The following CMTM8 variants were observed in gnomAD, a reference collection of about 807,000 sequenced individuals.
The protein encoded by CMTM8 is CKLF-like MARVEL transmembrane domain-containing protein 8.
A neutral mutation model predicts 18.6 loss-of-function variants in CMTM8; 12 were observed. That is an observed-to-expected ratio of 0.65 (90% CI 0.41 to 1.05). CMTM8 has a LOEUF of 1.05. Among genes scored for constraint, CMTM8 ranks in the 50% least tolerant of loss-of-function variants. CMTM8 has a pLI of 0.00. For missense variants in CMTM8, 217 were observed against 227.2 expected (o/e 0.95, Z 0.29); for synonymous variants, 87 against 90.6 (o/e 0.96, Z 0.23).
At chr3:32,364,106 C>T (rs771746463) in intron 2 of CMTM8, among the ~76,000 whole-genome samples, 22 of 152,220 alleles carry the variant, frequency 1.4e-4, no homozygotes, top group Non-Finnish European at 2.6e-4. Flanking sequence ...TGCAGTGGCT[C>T]ATGCCTTGTA....
intron 2 of CMTM8, among the ~76,000 whole-genome samples, chr3:32,361,811 A>G (rs1262681183): frequency 6.6e-6 from 1 of 152,146 alleles, no homozygotes; most frequent in Non-Finnish European, 1.5e-5. Flanking sequence ...TTATGATACC[A>G]TTTATTCAGG....
At chr3:32,363,973 C>A (rs75955419) in intron 2 of CMTM8, among the ~76,000 whole-genome samples, 1 of 152,200 alleles carries the variant, frequency 6.6e-6, no homozygotes, top group Non-Finnish European at 1.5e-5. Flanking sequence ...GACCCAATCT[C>A]TTCTGTCAAG....
At chr3:32,352,110 G>A (rs1385290001) in intron 1 of CMTM8, among the ~76,000 whole-genome samples, 2 of 149,428 alleles carry the variant, frequency 1.3e-5, no homozygotes, top group Admixed American at 6.6e-5. Context: ...CCCGGGAGGC[G>A]GAGGTTGCAG....
At chr3:32,261,338 GTTTA>G (rs1702255573) in intron 1 of CMTM8, among the ~76,000 whole-genome samples, 1 of 152,036 alleles carries the variant, frequency 6.6e-6, no homozygotes, top group Admixed American at 6.6e-5. Flanking sequence ...ACCTTTCTAT[GTTTA>G]TTTAAACAAA....
chr3:32,335,285 C>T (rs1009369444), intron 1 of CMTM8, among the ~76,000 whole-genome samples: 3 of 152,206 alleles, frequency 2.0e-5, no homozygotes, highest in Admixed American at 2.0e-4. Context: ...CCTTCCCGTA[C>T]ATGTCATCCT....
chr3:32,365,281 G>A (rs1697008403), intron 2 of CMTM8, among the ~76,000 whole-genome samples: 1 of 149,566 alleles, frequency 6.7e-6, no homozygotes, highest in Non-Finnish European at 1.5e-5. Flanking sequence ...GCATAGCTGG[G>A]TAAAAATAAG....
intron 2 of CMTM8, among the ~76,000 whole-genome samples, chr3:32,362,631 C>T (rs969313533): frequency 6.6e-6 from 1 of 152,176 alleles, no homozygotes; most frequent in African/African-American, 2.4e-5. Flanking sequence ...TCCACTGTGC[C>T]ATCCTGAGCA....
intron 1 of CMTM8, among the ~76,000 whole-genome samples, chr3:32,248,207 A>T (rs1000877473): frequency 3.3e-5 from 5 of 152,210 alleles, no homozygotes; most frequent in Non-Finnish European, 7.3e-5. Flanking sequence ...GCTAAAACAA[A>T]CAAAAACCTG....
Position 32,370,006 on chromosome 3 carries a change from ACT to A in CMTM8, c.*43_*44del, listed in dbSNP as rs1163574835. ...TAATTAAAAGGAAAAAAAAAGGAAG[ACT>A]CTCACTGTAAAAACAGCTGTAGGTA... On this transcript the variant is annotated 3_prime_UTR_variant, in exon 4 of 4. Coordinates refer to ENST00000307526, the MANE Select transcript of CMTM8 (RefSeq NM_178868.5). 9 of 1,247,862 alleles carry A rather than the reference ACT, an allele frequency of 7.2e-6. No homozygotes were observed. The highest frequency in any genetic ancestry group is 1.0e-5 in the Non-Finnish European group (9 of 872,002). 77.3% of individuals were successfully genotyped at this position (1,247,862 alleles called of 1,614,324 possible).
intron 1 of CMTM8, among the ~76,000 whole-genome samples, chr3:32,292,676 T>C (rs1702800855): frequency 6.6e-6 from 1 of 152,106 alleles, no homozygotes; most frequent in Non-Finnish European, 1.5e-5. Context: ...CATTTTGGGC[T>C]GGATAATTCT....
chr3:32,291,660 C>T (rs1702781210), intron 1 of CMTM8, among the ~76,000 whole-genome samples: 1 of 152,204 alleles, frequency 6.6e-6, no homozygotes, highest in South Asian at 2.1e-4. Context: ...GAGTAGTAGC[C>T]ACTTTGGCAT....
At chr3:32,278,190 A>G (rs951956813) in intron 1 of CMTM8, among the ~76,000 whole-genome samples, 4 of 152,160 alleles carry the variant, frequency 2.6e-5, no homozygotes, top group African/African-American at 9.7e-5. Flanking sequence ...TGGAAGTTAC[A>G]TGTATCATTT....
intron 1 of CMTM8, among the ~76,000 whole-genome samples, chr3:32,240,662 T>C (rs1188396556): frequency 6.6e-6 from 1 of 152,230 alleles, no homozygotes; most frequent in African/African-American, 2.4e-5. Flanking sequence ...ACTGTTGACA[T>C]GTTAGCATGT....
chr3:32,260,228 T>G (rs536141281), intron 1 of CMTM8: 166 of 1,395,538 alleles, frequency 1.2e-4, no homozygotes, highest in Non-Finnish European at 1.4e-4. Context: ...TCTGAGACAT[T>G]AAGCCAGCAG....
chr3:32,325,618 AT>A (rs1696135151), intron 1 of CMTM8, among the ~76,000 whole-genome samples: 1 of 152,154 alleles, frequency 6.6e-6, no homozygotes, highest in Admixed American at 6.5e-5. Flanking sequence ...CCCAGGTTAA[AT>A]TTTAGTTTGA....
At chr3:32,255,019 T>C (rs550058842) in intron 1 of CMTM8, among the ~76,000 whole-genome samples, 249 of 152,320 alleles carry the variant, frequency 1.6e-3, no homozygotes, top group African/African-American at 5.7e-3. Context: ...ATATATGGTC[T>C]TCTTTGACTT....
At chr3:32,258,173 G>A (rs1702201396) in intron 1 of CMTM8, among the ~76,000 whole-genome samples, 1 of 152,082 alleles carries the variant, frequency 6.6e-6, no homozygotes, top group Non-Finnish European at 1.5e-5. Flanking sequence ...TTTTTCAGTA[G>A]GTCCTCTATT....
intron 1 of CMTM8, among the ~76,000 whole-genome samples, chr3:32,280,824 C>T (rs1702595986): frequency 8.0e-6 from 1 of 124,698 alleles, no homozygotes; most frequent in East Asian, 2.4e-4. Context: ...AAAGGTAGGT[C>T]TCCAACACGA....
At chr3:32,293,887 T>C (rs556436714) in intron 1 of CMTM8, among the ~76,000 whole-genome samples, 9 of 152,288 alleles carry the variant, frequency 5.9e-5, no homozygotes, top group Non-Finnish European at 1.2e-4. Flanking sequence ...CCTGTTCATG[T>C]GTCATTCTTC....
Sources: allele counts gnomAD v4.1 joint callset (sites outside exome capture counted in the v4.1 genomes callset), GRCh38; gene constraint gnomAD v4.1.1; transcripts MANE v1.5; gene names NCBI Gene and HGNC (gene_info 2026-07-23, HGNC 2026-07-21).